Variants in BNC2 observed in about 807,000 individuals in gnomAD.
The protein encoded by BNC2 is zinc finger protein basonuclin-2.
BNC2 carries 20 observed loss-of-function variants against 76.3 expected under a neutral mutation model. The observed-to-expected ratio is 0.26, with a 90% confidence interval of 0.18 to 0.38. The LOEUF is 0.38. Among genes scored for constraint, BNC2 ranks in the 10% least tolerant of loss-of-function variants. The pLI, the probability that BNC2 is intolerant of heterozygous loss-of-function variation, is 1.00. For missense variants in BNC2, 1,382 were observed against 1,399.8 expected (o/e 0.99, Z 0.20); for synonymous variants, 582 against 514.8 (o/e 1.13, Z -1.77).
rs1820446106 is a variant in BNC2 at position 16,410,914 on chromosome 9, G to A, written c.*8075C>T. The A allele has an allele frequency of 6.6e-6, 1 of 152,170 alleles. No individual in the cohort carries two copies. The highest frequency in any genetic ancestry group is 1.5e-5 in the Non-Finnish European group (1 of 68,034). The allele number at this position is 152,170 out of a possible 1,614,324, so 9.4% of individuals were successfully genotyped here. A position where few individuals can be genotyped will look rare whatever the true frequency, so the allele number is the denominator to read the frequency against. ...CATCTCAAGTGAACCTATTAACTCAGCACATTGTCTGGGAGCTCAAGAGCA... is the reference window on the plus strand; with the variant it reads ...CATCTCAAGTGAACCTATTAACTCAACACATTGTCTGGGAGCTCAAGAGCA... On this transcript the variant is annotated 3_prime_UTR_variant, in exon 7 of 7. Coordinates refer to ENST00000380672, the MANE Select transcript of BNC2 (RefSeq NM_017637.6).
chr9:16,810,603 G>C lies in BNC2; in HGVS notation c.3+60043C>G, dbSNP rs556033668. Among the ~76,000 whole-genome samples the C allele has an allele frequency of 1.3e-4, 20 of 152,340 alleles. No individual in the cohort carries two copies. The South Asian group carries it at 3.7e-3, about 28-fold the overall frequency. Reference sequence around the variant, plus strand: ...CCAAGCACTGCTTCTCAAACTGCAGGTCACAGGCATTGGTGGATGGTGAAA... The same window carrying C: ...CCAAGCACTGCTTCTCAAACTGCAGCTCACAGGCATTGGTGGATGGTGAAA... On this transcript the variant is annotated intron_variant, in intron 1 of 6. Coordinates refer to ENST00000380672, the MANE Select transcript of BNC2 (RefSeq NM_017637.6).
intron 5 of BNC2, among the ~76,000 whole-genome samples, chr9:16,476,558 T>C (rs1245513398): frequency 6.8e-6 from 1 of 147,308 alleles, no homozygotes; most frequent in Non-Finnish European, 1.5e-5. Flanking sequence ...TGTGTGTGTG[T>C]TGTTTTTTTT....
At chr9:16,813,573 ATTATT>A (rs1818111656) in intron 1 of BNC2, among the ~76,000 whole-genome samples, 1 of 152,132 alleles carries the variant, frequency 6.6e-6, no homozygotes, top group Non-Finnish European at 1.5e-5. Context: ...CCAAAAAACC[ATTATT>A]TTTAGAGTCT....
chr9:16,658,988 C>T (rs7043540), intron 3 of BNC2, among the ~76,000 whole-genome samples: 7,113 of 152,256 alleles, frequency 0.047, 562 homozygotes, highest in African/African-American at 0.16. Context: ...ATCATCGCAA[C>T]TGTCTCTTTT....
chr9:16,684,156 T>A (rs1822909044), intron 3 of BNC2, among the ~76,000 whole-genome samples: 1 of 152,066 alleles, frequency 6.6e-6, no homozygotes, highest in African/African-American at 2.4e-5. Context: ...TAATTCAAGG[T>A]TTAAAAACAG....
intron 1 of BNC2, among the ~76,000 whole-genome samples, chr9:16,789,308 C>T (rs1427538331): frequency 6.6e-6 from 1 of 151,816 alleles, no homozygotes; most frequent in Non-Finnish European, 1.5e-5. Flanking sequence ...GTGGCCATGG[C>T]ACTTATATCA....
At chr9:16,669,542 T>C (rs377517711) in intron 3 of BNC2, among the ~76,000 whole-genome samples, 21 of 152,360 alleles carry the variant, frequency 1.4e-4, no homozygotes, top group African/African-American at 5.0e-4. Flanking sequence ...GAGGATCTTA[T>C]AACAGTTATA....
At chr9:16,793,413 T>C (rs981062748) in intron 1 of BNC2, among the ~76,000 whole-genome samples, 1 of 152,170 alleles carries the variant, frequency 6.6e-6, no homozygotes, top group Non-Finnish European at 1.5e-5. Context: ...GAAAATGACA[T>C]GGTTAGGATA....
At chr9:16,468,557 G>A (rs1238324012) in intron 5 of BNC2, among the ~76,000 whole-genome samples, 1 of 151,806 alleles carries the variant, frequency 6.6e-6, no homozygotes, top group Non-Finnish European at 1.5e-5. Context: ...CACCACGCCT[G>A]GCTACTTTTT....
At chr9:16,787,588 C>T (rs1053313200) in intron 1 of BNC2, among the ~76,000 whole-genome samples, 3 of 152,156 alleles carry the variant, frequency 2.0e-5, no homozygotes, top group African/African-American at 4.8e-5. Context: ...GCTGAAGTTA[C>T]GGTAGTGGGC....
chr9:16,523,041 C>G (rs1163181655), intron 5 of BNC2, among the ~76,000 whole-genome samples: 1 of 152,100 alleles, frequency 6.6e-6, no homozygotes, highest in African/African-American at 2.4e-5. Context: ...AGACTGAGAA[C>G]AGTGAAAATG....
rs183551262 is a variant in BNC2 at position 16,437,129 on chromosome 9, G to T, written c.1065C>A (p.Pro355=). ...TATATTCATTCTGAGTTGAAAGGCT[G>T]GGTTCCCGCAGCCTCAACCCTGGTT... The part of the protein sequence containing the change: ...LEQPGLRLRE[P]SLSTQNEYNE... The change falls in exon 6 of 7, where the codon CCC becomes CCA. Residue 355 remains proline, a synonymous_variant. Coordinates refer to ENST00000380672, the MANE Select transcript of BNC2 (RefSeq NM_017637.6). The T allele has an allele frequency of 6.2e-7, 1 of 1,613,994 alleles. No homozygotes were observed. Among genetic ancestry groups the T allele is most frequent in the Non-Finnish European group, 8.5e-7 (1 of 1,180,022 alleles).
At chr9:16,602,407 C>T (rs1258230141) in intron 3 of BNC2, among the ~76,000 whole-genome samples, 1 of 152,190 alleles carries the variant, frequency 6.6e-6, no homozygotes, top group Non-Finnish European at 1.5e-5. Flanking sequence ...TTTCTAATGA[C>T]ATGGTATTCA....
intron 3 of BNC2, among the ~76,000 whole-genome samples, chr9:16,651,246 TA>T (rs1821786368): frequency 6.6e-6 from 1 of 152,218 alleles, no homozygotes; most frequent in Non-Finnish European, 1.5e-5. Flanking sequence ...TTACATCATG[TA>T]TATTTCAAAA....
rs1818690675 is a variant in BNC2 at position 16,835,695 on chromosome 9, C to T, written c.3+34951G>A. 2.0e-5 allele frequency among the ~76,000 whole-genome samples: 3 copies of T among 152,144 alleles called. No homozygotes were observed. The South Asian group carries it at 6.2e-4, about 32-fold the overall frequency. On this transcript the variant is annotated intron_variant, in intron 1 of 6. Coordinates refer to ENST00000380672, the MANE Select transcript of BNC2 (RefSeq NM_017637.6). ...CCAGCCTGGGCAACAGAGCAAGACT[C>T]CCATTTCAGAAAAAATAAAAAATCG...
In BNC2 at chr9:16,419,022, G is replaced by A. The variant is rs780670789; in HGVS notation, c.3267C>T (p.Leu1089=). The A allele has an allele frequency of 1.9e-6, 3 of 1,614,034 alleles. No homozygotes were observed. The South Asian group carries it at 3.3e-5, about 18-fold the overall frequency. ...CTGAAGTGAAGGGAATGTTTTTGTG[G>A]AGATTAGGGTTCTGACTGTGCCGAT... is the stretch of plus-strand genomic sequence containing the variant. The part of the protein sequence containing the change: ...SRNRHSQNPN[L]HKNIPFTSVD Residue 1089 remains leucine, a synonymous_variant, in exon 7 of 7, where the codon CTC becomes CTT. Coordinates refer to ENST00000380672, the MANE Select transcript of BNC2 (RefSeq NM_017637.6).
intron 5 of BNC2, among the ~76,000 whole-genome samples, chr9:16,528,063 C>G (rs961678542): frequency 3.9e-5 from 6 of 152,064 alleles, no homozygotes; most frequent in Non-Finnish European, 8.8e-5. Flanking sequence ...GTAAAATGGA[C>G]TTGGAAGTGA....
At chr9:16,845,296 T>G (rs1336268361) in intron 1 of BNC2, among the ~76,000 whole-genome samples, 1 of 150,164 alleles carries the variant, frequency 6.7e-6, no homozygotes, top group Non-Finnish European at 1.5e-5. Flanking sequence ...GGAGGGAGTT[T>G]TTAATTATTC....
chr9:16,533,590 T>C (rs1369524239), intron 5 of BNC2, among the ~76,000 whole-genome samples: 4 of 152,170 alleles, frequency 2.6e-5, no homozygotes, highest in Admixed American at 1.3e-4. Context: ...AATCAAATAT[T>C]CATATTTTTA....
Sources: gnomAD v4.1 joint callset for allele counts (sites outside exome capture counted in the v4.1 genomes callset) on GRCh38, gnomAD v4.1.1 for gene constraint, MANE v1.5 for transcripts, NCBI Gene and HGNC (gene_info 2026-07-23, HGNC 2026-07-21) for gene names.